The following FOXP2 variants were observed in gnomAD, a reference collection of about 807,000 sequenced individuals.
FOXP2 encodes forkhead box protein P2.
Under a neutral mutation model 115.8 loss-of-function variants are expected in FOXP2, and 12 were observed. The ratio of observed to expected loss-of-function variants is 0.10; its 90% CI spans 0.07 to 0.17. The LOEUF is 0.17. Among genes scored for constraint, FOXP2 ranks in the 10% least tolerant of loss-of-function variants. The pLI is 1.00. For synonymous variants in FOXP2, 328 were observed against 297.7 expected (o/e 1.10, Z -1.05); for missense variants, 629 against 843.5 (o/e 0.75, Z 3.15).
intron 1 of FOXP2, among the ~76,000 whole-genome samples, chr7:114,268,162 G>A (rs1378933932): frequency 6.6e-6 from 1 of 152,072 alleles, no homozygotes; most frequent in Non-Finnish European, 1.5e-5. Flanking sequence ...CTTTTTTAAG[G>A]CTAAATAATA....
intron 1 of FOXP2, among the ~76,000 whole-genome samples, chr7:114,264,859 G>C (rs1447434939): frequency 6.6e-6 from 1 of 152,042 alleles, no homozygotes; most frequent in Non-Finnish European, 1.5e-5. Flanking sequence ...TGTGCGGGGT[G>C]GGGAGGGGAT....
At chr7:114,407,220 A>G (rs1793056419) in intron 2 of FOXP2, among the ~76,000 whole-genome samples, 1 of 152,104 alleles carries the variant, frequency 6.6e-6, no homozygotes, top group Admixed American at 6.6e-5. Flanking sequence ...AGAAATTCAT[A>G]AATAAATAGT....
chr7:114,636,567 GT>G (rs1315090152), intron 6 of FOXP2, among the ~76,000 whole-genome samples: 2 of 149,236 alleles, frequency 1.3e-5, no homozygotes, highest in African/African-American at 4.9e-5. Flanking sequence ...ACAATTATTT[GT>G]TTAACATTTA....
intron 9 of FOXP2, chr7:114,653,423 G>A (rs968836706): frequency 5.2e-6 from 1 of 193,242 alleles, no homozygotes; most frequent in Non-Finnish European, 1.1e-5. Context: ...GTTTCACACT[G>A]CCTGGTCTCT....
intron 3 of FOXP2, among the ~76,000 whole-genome samples, chr7:114,608,326 A>G (rs531869243): frequency 4.1e-4 from 62 of 152,314 alleles, no homozygotes; most frequent in African/African-American, 1.4e-3. Flanking sequence ...TCTGCTTCCA[A>G]GCTCATTCAA....
intron 3 of FOXP2, among the ~76,000 whole-genome samples, chr7:114,599,203 A>G (rs571178205): frequency 1.3e-5 from 2 of 152,102 alleles, no homozygotes; most frequent in South Asian, 4.1e-4. Context: ...GATGTTTGCT[A>G]TAGGTTTTTG....
intron 2 of FOXP2, among the ~76,000 whole-genome samples, chr7:114,305,856 T>C (rs1381326032): frequency 2.0e-5 from 3 of 151,340 alleles, no homozygotes; most frequent in Non-Finnish European, 3.0e-5. Flanking sequence ...TTTGAAGTTA[T>C]GTAACTTGCC....
chr7:114,262,498 A>G (rs1429873993), intron 1 of FOXP2, among the ~76,000 whole-genome samples: 1 of 152,132 alleles, frequency 6.6e-6, no homozygotes, highest in Non-Finnish European at 1.5e-5. Flanking sequence ...CAGGTAACAA[A>G]CCTGCACATA....
At chr7:114,217,322 G>A (rs1224795351) in intron 1 of FOXP2, among the ~76,000 whole-genome samples, 1 of 152,118 alleles carries the variant, frequency 6.6e-6, no homozygotes, top group Non-Finnish European at 1.5e-5. Flanking sequence ...ATAGATTTGT[G>A]TTAACTTCTC....
intron 3 of FOXP2, among the ~76,000 whole-genome samples, chr7:114,599,240 T>C (rs1341039914): frequency 6.6e-6 from 1 of 152,146 alleles, no homozygotes. Flanking sequence ...TTAAGGAAGT[T>C]CCCATCTGTT....
At chr7:114,445,060 T>C (rs976377290) in intron 2 of FOXP2, among the ~76,000 whole-genome samples, 3 of 152,072 alleles carry the variant, frequency 2.0e-5, no homozygotes, top group African/African-American at 7.2e-5. Context: ...CTTTTTTTTT[T>C]CTATTCAACT....
chr7:114,116,129 C>A (rs80269594), intron 1 of FOXP2, among the ~76,000 whole-genome samples: 376 of 152,182 alleles, frequency 2.5e-3, no homozygotes, highest in African/African-American at 8.6e-3. Flanking sequence ...ATAGTGTGAG[C>A]AGTTAACAAG....
At chr7:114,208,687 G>T (rs185461934) in intron 1 of FOXP2, among the ~76,000 whole-genome samples, 123 of 152,108 alleles carry the variant, frequency 8.1e-4, no homozygotes, top group Non-Finnish European at 1.7e-3. Flanking sequence ...GAATCATGGG[G>T]TCAGTCTTCC....
intron 2 of FOXP2, among the ~76,000 whole-genome samples, chr7:114,372,714 T>G (rs1792043625): frequency 6.6e-6 from 1 of 152,156 alleles, no homozygotes; most frequent in Non-Finnish European, 1.5e-5. Context: ...TGTTAGGGTT[T>G]TTTTTTGGTT....
chr7:114,377,029 G>C (rs1001909411), intron 2 of FOXP2, among the ~76,000 whole-genome samples: 1 of 152,080 alleles, frequency 6.6e-6, no homozygotes, highest in South Asian at 2.1e-4. Context: ...ACAGATGTCA[G>C]ACATATATTA....
In FOXP2 at chr7:114,247,252, G is replaced by A. The variant is rs143764010; in HGVS notation, c.-101-40767G>A. On this transcript the variant is annotated intron_variant, in intron 1 of 17. Coordinates refer to the FOXP2 transcript ENST00000634411. The stretch of plus-strand genomic sequence containing the variant: ...ATCTATGAATATATTCCAGAAATTT[G>A]CAAATCTATAACCCAGAACTTTTTT... Among the ~76,000 whole-genome samples, 169 of 152,164 alleles carry A rather than the reference G, an allele frequency of 1.1e-3. 1 individual carries two copies. The highest frequency in any genetic ancestry group is 3.8e-3 in the African/African-American group (159 of 41,542).
chr7:114,299,933 T>C (rs1796837164), intron 2 of FOXP2, among the ~76,000 whole-genome samples: 2 of 152,108 alleles, frequency 1.3e-5, no homozygotes, highest in African/African-American at 4.8e-5. Context: ...ACAGTACTCA[T>C]TTACACTTTC....
chr7:114,410,194 C>G (rs1793129880), upstream of FOXP2, among the ~76,000 whole-genome samples: 1 of 152,078 alleles, frequency 6.6e-6, no homozygotes, highest in Admixed American at 6.6e-5. Context: ...ATTCCTCATA[C>G]TCTATATTCT....
At chr7:114,294,932 A>C (rs1248777602) in intron 2 of FOXP2, among the ~76,000 whole-genome samples, 1 of 152,130 alleles carries the variant, frequency 6.6e-6, no homozygotes, top group Non-Finnish European at 1.5e-5. Context: ...ACATACATAC[A>C]TACATAAATT....
Sources: allele counts gnomAD v4.1 joint callset (sites outside exome capture counted in the v4.1 genomes callset), GRCh38; gene constraint gnomAD v4.1.1; transcripts MANE v1.5; gene names NCBI Gene and HGNC (gene_info 2026-07-23, HGNC 2026-07-21).